Variants in SLC41A2 observed in about 807,000 individuals in gnomAD.
SLC41A2 encodes solute carrier family 41 member 2, also known as SLC41A1-like 1.
In SLC41A2, 32 loss-of-function variants were observed where a neutral mutation model predicts 58.3. That is an observed-to-expected ratio of 0.55 (90% CI 0.41 to 0.74). SLC41A2 has a LOEUF of 0.74. SLC41A2 is among the 30% of genes least tolerant of loss of function. SLC41A2 has a pLI of 0.00. For missense variants in SLC41A2, 514 were observed against 680.6 expected (o/e 0.76, Z 2.72); for synonymous variants, 190 against 235.0 (o/e 0.81, Z 1.75).
In SLC41A2 at chr12:104,803,713, T is replaced by C. The variant is rs907716239; in HGVS notation, c.*1439A>G. Reference sequence around the variant, plus strand: ...CAATAACTAAGGTGTTGGTCAAGTGTTTAGAATATAGGCCAGAGTTTTAGA... The same window carrying C: ...CAATAACTAAGGTGTTGGTCAAGTGCTTAGAATATAGGCCAGAGTTTTAGA... On this transcript the variant is annotated 3_prime_UTR_variant, in exon 11 of 11. Transcript: ENST00000258538. 3 of 152,142 alleles carry C rather than the reference T, an allele frequency of 2.0e-5. No individual in the cohort carries two copies. The highest frequency in any genetic ancestry group is 2.9e-5 in the Non-Finnish European group (2 of 68,024). The allele number at this position is 152,142 out of a possible 1,614,324, so 9.4% of individuals were successfully genotyped here.
At chr12:104,863,230 C>T (rs1487053250) in intron 7 of SLC41A2, among the ~76,000 whole-genome samples, 3 of 152,198 alleles carry the variant, frequency 2.0e-5, no homozygotes, top group East Asian at 1.9e-4. Flanking sequence ...TTGAGACTAG[C>T]AGTTTAAGAC....
intron 6 of SLC41A2, among the ~76,000 whole-genome samples, chr12:104,874,414 T>C (rs761866561): frequency 2.5e-4 from 38 of 152,222 alleles, no homozygotes; most frequent in Non-Finnish European, 5.4e-4. Context: ...CAAAAAATCA[T>C]TGCCAAAGTC....
chr12:104,832,039 A>G (rs2042055355), intron 10 of SLC41A2, among the ~76,000 whole-genome samples: 1 of 152,220 alleles, frequency 6.6e-6, no homozygotes, highest in Non-Finnish European at 1.5e-5. Context: ...TGGAAAAATG[A>G]AAGAGACTTT....
chr12:104,870,961 T>C (rs1418398011), intron 6 of SLC41A2, among the ~76,000 whole-genome samples: 1 of 152,132 alleles, frequency 6.6e-6, no homozygotes, highest in Non-Finnish European at 1.5e-5. Context: ...TAAAAATCCC[T>C]CAAGCATAGA....
intron 6 of SLC41A2, among the ~76,000 whole-genome samples, chr12:104,880,235 T>C (rs866268916): frequency 6.6e-6 from 1 of 152,328 alleles, no homozygotes; most frequent in Middle Eastern, 3.4e-3. Context: ...TGGGGTCTTC[T>C]AAATGCGCAA....
intron 6 of SLC41A2, among the ~76,000 whole-genome samples, chr12:104,883,732 G>A (rs1180351918): frequency 3.9e-5 from 6 of 152,014 alleles, no homozygotes; most frequent in East Asian, 1.9e-4. Flanking sequence ...AGGGACACCC[G>A]GCTGTATGAG....
rs529126453 is a variant in SLC41A2 at position 104,847,215 on chromosome 12, C to T, written c.1256-1241G>A. 4.6e-5 allele frequency among the ~76,000 whole-genome samples: 7 copies of T among 151,758 alleles called. No individual in the cohort carries two copies. The East Asian group carries it at 9.7e-4, about 21-fold the overall frequency. On this transcript the variant is annotated intron_variant, in intron 8 of 10. Transcript: ENST00000258538. Reference sequence around the variant, plus strand: ...ATCATGCAAACACTAAGGAAAAGAACGTAAGAGTGACTATATCAATATCAA... The same window carrying T: ...ATCATGCAAACACTAAGGAAAAGAATGTAAGAGTGACTATATCAATATCAA...
rs547963366 is a variant in SLC41A2 at position 104,813,287 on chromosome 12, G to T, written c.1537-7950C>A. Among the ~76,000 whole-genome samples, 15 of 152,150 alleles carry T rather than the reference G, an allele frequency of 9.9e-5. No homozygotes were observed. In the South Asian group the frequency reaches 3.1e-3, roughly 32 times the overall value. On this transcript the variant is annotated intron_variant, in intron 10 of 10. Coordinates refer to ENST00000258538, the MANE Select transcript of SLC41A2 (RefSeq NM_001352171.3). ...AAAATTAAAAAGAGATAAAGGGAAA[G>T]AAAATAGAATACACTACATGGCTCT...
chr12:104,937,418 T>C, intron 1 of SLC41A2, among the ~76,000 whole-genome samples: 1 of 152,178 alleles, frequency 6.6e-6, no homozygotes, highest in South Asian at 2.1e-4. Flanking sequence ...TACTTACCAT[T>C]GTGTAACAAC....
chr12:104,868,527 T>A (rs576418576), intron 6 of SLC41A2, among the ~76,000 whole-genome samples: 1 of 151,512 alleles, frequency 6.6e-6, no homozygotes, highest in East Asian at 2.0e-4. Flanking sequence ...CTAAAAATAA[T>A]GAGCAGGCAG....
At chr12:104,892,421 G>T (rs1360369747) in intron 4 of SLC41A2, among the ~76,000 whole-genome samples, 1 of 151,768 alleles carries the variant, frequency 6.6e-6, no homozygotes, top group African/African-American at 2.4e-5. Flanking sequence ...TTGTTAAAAT[G>T]TCCATATAAC....
chr12:104,941,028 T>G lies in SLC41A2; in HGVS notation c.-167-12334A>C, dbSNP rs1402060382. The stretch of plus-strand genomic sequence containing the variant: ...TTCCACTGAAACTGAATTCAAGAAC[T>G]CACATAGGTTTCATTTAGGGAACAG... On this transcript the variant is annotated intron_variant, in intron 1 of 10. Transcript: ENST00000258538. Among the ~76,000 whole-genome samples, 6 of 151,372 alleles carry G rather than the reference T, an allele frequency of 4.0e-5. 1 individual carries two copies. The highest frequency in any genetic ancestry group is 5.9e-5 in the Non-Finnish European group (4 of 67,862).
chr12:104,946,981 T>C (rs1326137435), intron 1 of SLC41A2, among the ~76,000 whole-genome samples: 1 of 152,182 alleles, frequency 6.6e-6, no homozygotes, highest in Non-Finnish European at 1.5e-5. Flanking sequence ...ATGGTGAGGA[T>C]TAAATGACTT....
intron 6 of SLC41A2, among the ~76,000 whole-genome samples, chr12:104,880,395 C>G (rs1234027084): frequency 1.3e-5 from 2 of 152,104 alleles, no homozygotes; most frequent in African/African-American, 4.8e-5. Flanking sequence ...TCTTGTCACA[C>G]TTTTCAAAGG....
chr12:104,832,449 T>C (rs944056999), intron 10 of SLC41A2, among the ~76,000 whole-genome samples: 2 of 152,140 alleles, frequency 1.3e-5, no homozygotes, highest in African/African-American at 4.8e-5. Flanking sequence ...GTGGAACAAA[T>C]GCCTAAAAAT....
rs192543905 is a variant in SLC41A2, at chr12:104,919,807, G to A, written c.555+8166C>T. Among the ~76,000 whole-genome samples, 68 of 152,216 alleles carry A rather than the reference G, an allele frequency of 4.5e-4. 1 individual carries two copies. Among genetic ancestry groups the A allele is most frequent in the African/African-American group, 1.6e-3 (67 of 41,542 alleles). Reference sequence around the variant, plus strand: ...TTTCATCCTTTTAGCATTGTTCAGAGTAAACTGTTTCTTTTATGAAATCCA... The same window carrying A: ...TTTCATCCTTTTAGCATTGTTCAGAATAAACTGTTTCTTTTATGAAATCCA... On this transcript the variant is annotated intron_variant, in intron 2 of 10. Coordinates refer to ENST00000258538, the MANE Select transcript of SLC41A2 (RefSeq NM_001352171.3).
chr12:104,936,835 A>G (rs1282196136), intron 1 of SLC41A2, among the ~76,000 whole-genome samples: 2 of 152,256 alleles, frequency 1.3e-5, no homozygotes, highest in Non-Finnish European at 2.9e-5. Flanking sequence ...TGAAAAAAGT[A>G]TATAGAATAA....
chr12:104,932,954 C>T (rs1674040577), intron 1 of SLC41A2, among the ~76,000 whole-genome samples: 1 of 152,026 alleles, frequency 6.6e-6, no homozygotes, highest in South Asian at 2.1e-4. Context: ...AGGAAAAAAA[C>T]TCTTCTGGAC....
intron 3 of SLC41A2, among the ~76,000 whole-genome samples, chr12:104,897,752 T>C (rs2045363826): frequency 1.3e-5 from 2 of 152,306 alleles, no homozygotes; most frequent in African/African-American, 4.8e-5. Context: ...AAATTTACCT[T>C]GTTAGGGAAA....
Sources: gnomAD v4.1 joint callset for allele counts (sites outside exome capture counted in the v4.1 genomes callset) on GRCh38, gnomAD v4.1.1 for gene constraint, MANE v1.5 for transcripts, NCBI Gene and HGNC (gene_info 2026-07-23, HGNC 2026-07-21) for gene names.